The following PCDHGB5 variants were observed in gnomAD, a reference collection of about 807,000 sequenced individuals.
PCDHGB5 encodes protocadherin gamma subfamily B, 5.
In PCDHGB5, 48 loss-of-function variants were observed where a neutral mutation model predicts 62.9. The observed-to-expected ratio is 0.76, with a 90% CI of 0.61 to 0.97. The LOEUF is 0.97. Among genes scored for constraint, PCDHGB5 ranks in the 50% least tolerant of loss-of-function variants. The pLI is 0.00. For missense variants in PCDHGB5, 1,118 were observed against 1,198.6 expected (o/e 0.93, Z 0.99); for synonymous variants, 474 against 511.2 (o/e 0.93, Z 0.98).
chr5:141,508,994 A>G (rs2099873731), intron 3 of PCDHGB5, among the ~76,000 whole-genome samples: 1 of 152,052 alleles, frequency 6.6e-6, no homozygotes, highest in South Asian at 2.1e-4. Flanking sequence ...CAGCTGGGGT[A>G]GGAGAGGAGG....
At chr5:141,446,968 G>A (rs1052445705) in intron 1 of PCDHGB5, among the ~76,000 whole-genome samples, 12 of 152,050 alleles carry the variant, frequency 7.9e-5, no homozygotes, top group African/African-American at 2.4e-4. Flanking sequence ...AGGGAAATTT[G>A]CTGTCTAATT....
chr5:141,444,920 G>A (rs2098451595), intron 1 of PCDHGB5, among the ~76,000 whole-genome samples: 1 of 152,110 alleles, frequency 6.6e-6, no homozygotes, highest in Non-Finnish European at 1.5e-5. Context: ...ACCTTTATCA[G>A]GGAAAGAGGG....
At chr5:141,404,752 G>A (rs774409689) in intron 1 of PCDHGB5, 1 of 1,614,010 alleles carries the variant, frequency 6.2e-7, no homozygotes, top group Non-Finnish European at 8.5e-7. Context: ...ACTCAGGCCA[G>A]AATGCTTGGC....
intron 1 of PCDHGB5, chr5:141,428,460 T>G (rs558111052): frequency 2.8e-6 from 1 of 351,434 alleles, no homozygotes; most frequent in African/African-American, 2.1e-5. Context: ...CCAACTACAA[T>G]GAGGGAACTT....
chr5:141,415,657 G>A, intron 1 of PCDHGB5: 1 of 1,576,236 alleles, frequency 6.3e-7, no homozygotes, highest in Non-Finnish European at 8.6e-7. Flanking sequence ...AAAAAAGATT[G>A]GTTTTTACTT....
intron 1 of PCDHGB5, chr5:141,427,747 C>A (rs2097063869): frequency 1.6e-6 from 2 of 1,277,502 alleles, no homozygotes; most frequent in Non-Finnish European, 2.2e-6. Flanking sequence ...GTCTCCTACT[C>A]CATCGTTACC....
At position 141,431,954 on chromosome 5, in the gene PCDHGB5, G is replaced by A. The variant is rs912037044; in HGVS notation, c.2397+31430G>A. 6.2e-7 allele frequency: 1 copy of A among 1,613,992 alleles called. No individual in the cohort carries two copies. Among genetic ancestry groups the A allele is most frequent in the African/African-American group, 1.3e-5 (1 of 74,896 alleles). ...GCCCTTTAAATTAGAAAAATCTTAC[G>A]GAAATTACTATAGTTTAGTCACAGA... is the stretch of plus-strand genomic sequence containing the variant. On this transcript the variant is annotated intron_variant, in intron 1 of 3. Coordinates refer to ENST00000617380, the MANE Select transcript of PCDHGB5 (RefSeq NM_018925.3). This position sits in a 1 kb window ranked among gnomAD's most constrained non-coding sequence, Gnocchi z 4.8.
intron 1 of PCDHGB5, chr5:141,415,477 C>A (rs2095874299): frequency 1.9e-6 from 3 of 1,614,184 alleles, no homozygotes; most frequent in Non-Finnish European, 2.5e-6. Flanking sequence ...CGCGGACTCG[C>A]GAAAGAGTCA....
chr5:141,508,935 A>T (rs180987868), intron 3 of PCDHGB5, among the ~76,000 whole-genome samples: 2 of 152,118 alleles, frequency 1.3e-5, no homozygotes, highest in Non-Finnish European at 2.9e-5. Context: ...GGAGTTAATT[A>T]GGGAAAACAG....
intron 1 of PCDHGB5, among the ~76,000 whole-genome samples, chr5:141,463,489 C>T (rs1190438683): frequency 7.2e-6 from 1 of 138,270 alleles, no homozygotes; most frequent in African/African-American, 2.8e-5. Context: ...CGCTCTGTCA[C>T]CCAGGCTGGA....
chr5:141,430,889 A>G, intron 1 of PCDHGB5: 1 of 1,605,270 alleles, frequency 6.2e-7, no homozygotes, highest in African/African-American at 1.3e-5. Flanking sequence ...GAAAGGCTCT[A>G]GGGTGGGCGA....
chr5:141,505,381 C>T lies in PCDHGB5; in HGVS notation c.2457-12C>T. On this transcript the variant is annotated splice_polypyrimidine_tract_variant and intron_variant, in intron 2 of 3. Transcript: ENST00000617380. Reference sequence around the variant, plus strand: ...CTGGGAGTCTGTGCTCACCATCCTACTCTCTCCCCAGCTCCCAAAATGGCG... The same window carrying T: ...CTGGGAGTCTGTGCTCACCATCCTATTCTCTCCCCAGCTCCCAAAATGGCG... 1 of 1,614,064 alleles carries T rather than the reference C, an allele frequency of 6.2e-7. No homozygotes were observed.
intron 1 of PCDHGB5, chr5:141,408,814 A>G (rs1473137465): frequency 6.8e-6 from 11 of 1,613,456 alleles, no homozygotes; most frequent in Non-Finnish European, 8.5e-6. Context: ...ACCGGGAAGA[A>G]CAGAGATCTC....
At chr5:141,467,097 G>A (rs912875702) in intron 1 of PCDHGB5, among the ~76,000 whole-genome samples, 1 of 150,152 alleles carries the variant, frequency 6.7e-6, no homozygotes, top group Non-Finnish European at 1.5e-5. Context: ...CTGTCACACA[G>A]GCTGGAGTAC....
intron 3 of PCDHGB5, 157 bp downstream of exon 3, chr5:141,505,638 T>C: frequency 1.0e-6 from 1 of 968,044 alleles, no homozygotes; most frequent in Non-Finnish European, 1.2e-6. Context: ...ACATAAAGCC[T>C]GGAATTGTGG....
intron 3 of PCDHGB5, among the ~76,000 whole-genome samples, chr5:141,509,583 A>G (rs1008344833): frequency 7.2e-5 from 11 of 152,320 alleles, no homozygotes; most frequent in African/African-American, 2.4e-4. Flanking sequence ...CGTACAAATC[A>G]GCTGGCAATT....
rs2099615088 is a variant in PCDHGB5, at chr5:141,485,526, G to A, written c.2398-9281G>A. On this transcript the variant is annotated intron_variant, in intron 1 of 3. Coordinates refer to ENST00000617380, the MANE Select transcript of PCDHGB5 (RefSeq NM_018925.3). The surrounding 1 kb of genome is among the most constrained non-coding windows in gnomAD (Gnocchi z 5.7). Reference sequence around the variant, plus strand: ...ACCGAAGGTCCTTTGGAAATGTACCGAGCAGAGGTAGAGATCGTAGATGTG... The same window carrying A: ...ACCGAAGGTCCTTTGGAAATGTACCAAGCAGAGGTAGAGATCGTAGATGTG... 6.2e-7 allele frequency: 1 copy of A among 1,614,154 alleles called. No individual in the cohort carries two copies. The highest frequency in any genetic ancestry group is 2.2e-5 in the East Asian group (1 of 44,880).
At position 141,511,855 on chromosome 5, in the gene PCDHGB5, ATTGT is replaced by A. The variant is rs2099883980; in HGVS notation, c.*686_*689del. ...GGACCAGTCTTCTGTTTTGTTTTTCATTGTTTGACGTTTCCACTGCATGCCTTGA... is the reference window on the plus strand; with the variant it reads ...GGACCAGTCTTCTGTTTTGTTTTTCATTGACGTTTCCACTGCATGCCTTGA... On this transcript the variant is annotated 3_prime_UTR_variant, in exon 4 of 4. Coordinates refer to ENST00000617380, the MANE Select transcript of PCDHGB5 (RefSeq NM_018925.3). 1 of 156,316 alleles carries A rather than the reference ATTGT, an allele frequency of 6.4e-6. No individual in the cohort carries two copies. Among genetic ancestry groups the A allele is most frequent in the South Asian group, 2.0e-4 (1 of 5,082 alleles). The allele number at this position is 156,316 out of a possible 1,614,324, so 9.7% of individuals were successfully genotyped here.
At chr5:141,408,712 T>G in intron 1 of PCDHGB5, 1 of 1,612,332 alleles carries the variant, frequency 6.2e-7, no homozygotes, top group Non-Finnish European at 8.5e-7. Flanking sequence ...TTAAAGATTA[T>G]AAGATAAACT....
Sources: gnomAD v4.1 joint callset for allele counts (sites outside exome capture counted in the v4.1 genomes callset) on GRCh38, gnomAD v4.1.1 for gene constraint, Gnocchi (gnomAD v3.1) non-coding constraint, MANE v1.5 for transcripts, NCBI Gene and HGNC (gene_info 2026-07-23, HGNC 2026-07-21) for gene names.